TRDMT1: variants seen among roughly 807,000 people sequenced by gnomAD.
TRDMT1 encodes tRNA (cytosine(38)-C(5))-methyltransferase.
In TRDMT1, 49 loss-of-function variants were observed where a neutral mutation model predicts 51.2. That is an observed-to-expected ratio of 0.96 (90% CI 0.76 to 1.21). The LOEUF (loss-of-function observed/expected upper bound fraction) is 1.21. Among genes scored for constraint, TRDMT1 ranks in the 50% most tolerant of loss-of-function variants. The pLI is 0.00. For synonymous variants in TRDMT1, 187 were observed against 164.6 expected, an observed-to-expected ratio of 1.14 and a Z score of -1.04; for missense variants, 534 against 462.3, an observed-to-expected ratio of 1.16 and a Z score of -1.42.
intron 2 of TRDMT1, chr10:17,169,224 GT>G (rs1841636290): frequency 4.0e-6 from 3 of 755,032 alleles, no homozygotes; most frequent in Non-Finnish European, 5.5e-6. Context: ...TAACACTGCT[GT>G]TTTCTAGAGT....
In TRDMT1 at chr10:17,168,910, G is replaced by A. The variant is rs1205128806; in HGVS notation, c.182C>T (p.Thr61Ile). The A allele has an allele frequency of 6.2e-7, 1 of 1,609,476 alleles. No individual in the cohort carries two copies. The highest frequency in any genetic ancestry group is 1.7e-4 in the Middle Eastern group (1 of 6,054). ...QLLAKTIEGITLEEFDRLSFD... is the reference protein window; with the variant it reads ...QLLAKTIEGIILEEFDRLSFD... The stretch of plus-strand genomic sequence containing the variant: ...AGATAATCTGTCAAACTCTTCGAGT[G>A]TAATGCCCTGAGGAATGAACATTTA... Residue 61 changes from threonine to isoleucine, a missense_variant, in exon 3 of 11, where the codon ACA becomes ATA. By Grantham distance (89) the Thr-to-Ile change is moderately conservative (BLOSUM62 -1). Coordinates refer to ENST00000377799, the MANE Select transcript of TRDMT1 (RefSeq NM_004412.7).
At chr10:17,156,168 A>G (rs1839470428) in intron 8 of TRDMT1, among the ~76,000 whole-genome samples, 1 of 152,166 alleles carries the variant, frequency 6.6e-6, no homozygotes, top group Admixed American at 6.5e-5. Context: ...TTGACAAATC[A>G]TACAACTACC....
chr10:17,170,197 G>GA (rs1841776634), intron 2 of TRDMT1, among the ~76,000 whole-genome samples: 1 of 152,122 alleles, frequency 6.6e-6, no homozygotes, highest in Admixed American at 6.5e-5. Context: ...ACAGATTCTT[G>GA]AAAATAGTGA....
chr10:17,194,959 A>AAC (rs1417870556), intron 1 of TRDMT1, among the ~76,000 whole-genome samples: 32 of 151,720 alleles, frequency 2.1e-4, no homozygotes, highest in African/African-American at 7.7e-4. Flanking sequence ...CAAAAAAAAA[A>AAC]AAAAACGCAG....
rs944513770 is a variant in TRDMT1 at position 17,201,566 on chromosome 10, C to G, written c.64+5G>C. 7 of 1,549,602 alleles carry G rather than the reference C, an allele frequency of 4.5e-6. No individual in the cohort carries two copies. The highest frequency in any genetic ancestry group is 2.7e-5 in the African/African-American group (2 of 72,956). ...TAGAGAGAGGGGTGCTAGATGGACT[C>G]TCACCTCTCAGCGCGTGGTGCATGC... On this transcript the variant is annotated splice_donor_5th_base_variant and intron_variant, in intron 1 of 10. Transcript: ENST00000377799.
chr10:17,188,832 C>A (rs116109455), intron 1 of TRDMT1, among the ~76,000 whole-genome samples: 1 of 152,120 alleles, frequency 6.6e-6, no homozygotes, highest in East Asian at 1.9e-4. Context: ...TTTGTGATTT[C>A]CGCGAAGTAA....
In TRDMT1 at chr10:17,147,294, A is replaced by G. The variant is rs560108729; in HGVS notation, c.*1746T>C. 1.0e-6 allele frequency: 1 copy of G among 985,520 alleles called. No homozygotes were observed. The highest frequency in any genetic ancestry group is 1.2e-6 in the Non-Finnish European group (1 of 829,898). The allele number at this position is 985,520 out of a possible 1,614,324, so 61.0% of individuals were successfully genotyped here. ...ACACATATGAAAAATGTAGATAGTG[A>G]TAGTTTCTGTATATGGGCTGGCTTA... On this transcript the variant is annotated 3_prime_UTR_variant, in exon 11 of 11. Coordinates refer to ENST00000377799, the MANE Select transcript of TRDMT1 (RefSeq NM_004412.7).
rs141759919 is a variant in TRDMT1, at chr10:17,195,402, T to C, written c.64+6169A>G. On this transcript the variant is annotated intron_variant, in intron 1 of 10. Transcript: ENST00000377799. ...CTCACTAATAAGTGGGAGTTAAACA[T>C]TGGATACTCATGGACAAAAAGATGG... Among the ~76,000 whole-genome samples, 14 of 152,204 alleles carry C rather than the reference T, an allele frequency of 9.2e-5. 1 individual carries two copies. Among genetic ancestry groups the C allele is most frequent in the South Asian group, 4.2e-4 (2 of 4,814 alleles).
At chr10:17,193,513 T>G (rs1315977367) in intron 1 of TRDMT1, among the ~76,000 whole-genome samples, 4 of 152,180 alleles carry the variant, frequency 2.6e-5, no homozygotes, top group Non-Finnish European at 5.9e-5. Context: ...ACACAAATAA[T>G]GTTCAAACTG....
Position 17,201,644 on chromosome 10 carries a change from T to C in TRDMT1, c.-10A>G. The C allele has an allele frequency of 6.5e-7, 1 of 1,540,008 alleles. No homozygotes were observed. Among genetic ancestry groups the C allele is most frequent in the Middle Eastern group, 1.8e-4 (1 of 5,406 alleles). ...CCCGCAGGGGCTCCATCCCCGCGCCTCAGCCGCCGCAGCCCCGGAGCTAGG... is the reference window on the plus strand; with the variant it reads ...CCCGCAGGGGCTCCATCCCCGCGCCCCAGCCGCCGCAGCCCCGGAGCTAGG... On this transcript the variant is annotated 5_prime_UTR_variant, in exon 1 of 11. Transcript: ENST00000377799.
At chr10:17,176,392 T>A (rs1842621671) in intron 1 of TRDMT1, among the ~76,000 whole-genome samples, 1 of 152,190 alleles carries the variant, frequency 6.6e-6, no homozygotes, top group African/African-American at 2.4e-5. Context: ...TAATCAATAA[T>A]TAATTTTATG....
intron 9 of TRDMT1, 105 bp downstream of exon 9, chr10:17,154,572 A>G (rs1024953262): frequency 1.6e-5 from 10 of 635,470 alleles, no homozygotes; most frequent in Non-Finnish European, 2.4e-5. Context: ...TAAAATATAT[A>G]TTCATGGCCA....
chr10:17,154,625 C>G, intron 9 of TRDMT1, 52 bp downstream of exon 9: 1 of 1,439,604 alleles, frequency 6.9e-7, no homozygotes, highest in Non-Finnish European at 9.3e-7. Context: ...AAGTATTAAA[C>G]AATTTTAGTT....
At chr10:17,174,422 C>T in intron 2 of TRDMT1, 129 bp downstream of exon 2, 1 of 595,042 alleles carries the variant, frequency 1.7e-6, no homozygotes, top group Non-Finnish European at 2.8e-6. Flanking sequence ...TGTTAATCTC[C>T]TTCTCCTGAA....
chr10:17,169,290 G>A, intron 2 of TRDMT1: 2 of 1,157,424 alleles, frequency 1.7e-6, no homozygotes, highest in South Asian at 1.7e-5. Context: ...ATGGGGTCTA[G>A]GAAATTTTTA....
At chr10:17,151,998 T>C in intron 10 of TRDMT1, 5 of 1,296,462 alleles carry the variant, frequency 3.9e-6, no homozygotes, top group Non-Finnish European at 5.1e-6. Flanking sequence ...AAGTGACTAC[T>C]GCCCTTTGAA....
At position 17,162,504 on chromosome 10, in the gene TRDMT1, C is replaced by G. The variant is rs1316044900; in HGVS notation, c.252-267G>C. 2.0e-5 allele frequency among the ~76,000 whole-genome samples: 3 copies of G among 152,082 alleles called. No homozygotes were observed. In the South Asian group the frequency reaches 6.2e-4, roughly 32 times the overall value. On this transcript the variant is annotated intron_variant, in intron 3 of 10. Coordinates refer to ENST00000377799, the MANE Select transcript of TRDMT1 (RefSeq NM_004412.7). ...GGTGGATCACGTGAGGCCAGGAGTT[C>G]GGGACCAGCCTGGCCGACATGGCGA... is the stretch of plus-strand genomic sequence containing the variant.
At chr10:17,155,111 G>A (rs1231311382) in intron 8 of TRDMT1, among the ~76,000 whole-genome samples, 4 of 152,058 alleles carry the variant, frequency 2.6e-5, no homozygotes, top group Admixed American at 1.3e-4. Context: ...TACCTCAGGA[G>A]GCTGAGGTAG....
At chr10:17,152,031 G>T (rs1441754175) in intron 10 of TRDMT1, 4 of 1,301,224 alleles carry the variant, frequency 3.1e-6, no homozygotes, top group Non-Finnish European at 4.0e-6. Context: ...CTGAAGAAAA[G>T]CTGAGGAATT....
Sources: allele counts gnomAD v4.1 joint callset (sites outside exome capture counted in the v4.1 genomes callset), GRCh38; gene constraint gnomAD v4.1.1; transcripts MANE v1.5; gene names NCBI Gene and HGNC (gene_info 2026-07-23, HGNC 2026-07-21).